RBMS3: variants seen among roughly 807,000 people sequenced by gnomAD.
RBMS3 encodes RNA binding motif single stranded interacting protein 3.
Under a neutral mutation model 66.8 loss-of-function variants are expected in RBMS3, and 27 were observed. That is an observed-to-expected ratio of 0.40 (90% CI 0.30 to 0.56). The LOEUF is 0.56. Among genes scored for constraint, RBMS3 ranks in the 20% least tolerant of loss-of-function variants. RBMS3 has a pLI of 0.40. For synonymous variants in RBMS3, 188 were observed against 183.0 expected, an observed-to-expected ratio of 1.03 and a Z score of -0.22; for missense variants, 513 against 549.5, an observed-to-expected ratio of 0.93 and a Z score of 0.66.
rs142139077 is a variant in RBMS3 at position 29,521,104 on chromosome 3, C to G, written c.307+32605C>G. Among the ~76,000 whole-genome samples, 405 of 152,172 alleles carry G rather than the reference C, an allele frequency of 2.7e-3. 4 individuals are homozygous for G. The highest frequency in any genetic ancestry group is 9.4e-3 in the African/African-American group (392 of 41,516). On this transcript the variant is annotated intron_variant, in intron 3 of 14. Transcript: ENST00000383767. ...TGCCTTATTATTTTTTTCCATAATA[C>G]TGACATCCTATTTTATCCCACCCCA...
intron 6 of RBMS3, among the ~76,000 whole-genome samples, chr3:29,855,543 T>A (rs1239180429): frequency 6.6e-6 from 1 of 152,200 alleles, no homozygotes; most frequent in Non-Finnish European, 1.5e-5. Context: ...TATGTACAAC[T>A]TGTGACTAGC....
At chr3:29,613,301 T>G (rs1241147360) in intron 4 of RBMS3, among the ~76,000 whole-genome samples, 1 of 151,574 alleles carries the variant, frequency 6.6e-6, no homozygotes, top group Non-Finnish European at 1.5e-5. Flanking sequence ...ACATTCTCCC[T>G]AACCATGTGC....
intron 12 of RBMS3, among the ~76,000 whole-genome samples, chr3:29,971,401 G>C (rs1416258559): frequency 5.3e-5 from 8 of 151,890 alleles, no homozygotes; most frequent in Non-Finnish European, 1.2e-4. Context: ...TTCATTTTAA[G>C]TTGTTTCATA....
At chr3:29,530,426 C>A (rs983706596) in intron 3 of RBMS3, among the ~76,000 whole-genome samples, 6 of 151,974 alleles carry the variant, frequency 3.9e-5, no homozygotes, top group African/African-American at 1.5e-4. Context: ...TAAAAAAATA[C>A]AATTTGTAAA....
Position 29,882,537 on chromosome 3 carries a change from G to T in RBMS3, c.745-1625G>T, listed in dbSNP as rs1226792987. On this transcript the variant is annotated intron_variant, in intron 7 of 14. Transcript: ENST00000383767. ...GTTTGCAAACTCCGTTTCAATTTAT[G>T]TATGCTCCCTTTATACCAATTCCAT... is the stretch of plus-strand genomic sequence containing the variant. Among the ~76,000 whole-genome samples the T allele has an allele frequency of 3.3e-5, 5 of 151,982 alleles. No homozygotes were observed. In the East Asian group the frequency reaches 9.7e-4, roughly 29 times the overall value.
chr3:29,709,301 G>T (rs1322428024), intron 4 of RBMS3, among the ~76,000 whole-genome samples: 3 of 152,098 alleles, frequency 2.0e-5, no homozygotes, highest in Non-Finnish European at 2.9e-5. Flanking sequence ...TTTATGTTTG[G>T]TAGCTCTTGT....
At chr3:29,314,004 T>A (rs1326225053) in intron 1 of RBMS3, among the ~76,000 whole-genome samples, 2 of 151,736 alleles carry the variant, frequency 1.3e-5, no homozygotes, top group Non-Finnish European at 2.9e-5. Flanking sequence ...TTCTGGTTGC[T>A]TGGGCATTGG....
At chr3:29,657,755 A>G (rs2050377582) in intron 4 of RBMS3, among the ~76,000 whole-genome samples, 1 of 152,176 alleles carries the variant, frequency 6.6e-6, no homozygotes, top group Non-Finnish European at 1.5e-5. Context: ...AGCAATACAA[A>G]TGTTCTTGCT....
At chr3:29,924,392 C>CT (rs1171960045) in intron 10 of RBMS3, among the ~76,000 whole-genome samples, 3 of 151,362 alleles carry the variant, frequency 2.0e-5, no homozygotes, top group African/African-American at 4.9e-5. Flanking sequence ...TTTCTTTTTT[C>CT]TTTTTTTTCA....
At chr3:29,644,305 A>G (rs555689660) in intron 4 of RBMS3, among the ~76,000 whole-genome samples, 1 of 152,338 alleles carries the variant, frequency 6.6e-6, no homozygotes, top group East Asian at 1.9e-4. Flanking sequence ...ACGGGTTTCA[A>G]TCACAATTTG....
intron 10 of RBMS3, among the ~76,000 whole-genome samples, chr3:29,906,172 C>G (rs1175668507): frequency 6.6e-6 from 1 of 151,992 alleles, no homozygotes; most frequent in Non-Finnish European, 1.5e-5. Context: ...TTAATGTTTT[C>G]CTGGCATCTT....
rs144895706 is a variant in RBMS3 at position 29,421,754 on chromosome 3, A to G, written c.76-12989A>G. ...AGTAGCTCCTCTCAGTAGCTAGAAT[A>G]ATACCAACTAAACCTAATGTCCCAT... is the stretch of plus-strand genomic sequence containing the variant. On this transcript the variant is annotated intron_variant, in intron 1 of 14. Coordinates refer to ENST00000383767, the MANE Select transcript of RBMS3 (RefSeq NM_001003793.3). Among the ~76,000 whole-genome samples the G allele has an allele frequency of 3.3e-4, 51 of 152,296 alleles. 3 individuals are homozygous for G. The East Asian group carries it at 8.9e-3, about 27-fold the overall frequency.
Position 29,649,619 on chromosome 3 carries a change from G to A in RBMS3, c.399+62414G>A, listed in dbSNP as rs192295340. On this transcript the variant is annotated intron_variant, in intron 4 of 14. Coordinates refer to ENST00000383767, the MANE Select transcript of RBMS3 (RefSeq NM_001003793.3). The stretch of plus-strand genomic sequence containing the variant: ...GGAAGCATAATGAACCTTCTAGGCA[G>A]CTGCAAAGTACCTCTGAGTCTCAGA... 1.2e-4 allele frequency among the ~76,000 whole-genome samples: 19 copies of A among 152,218 alleles called. No homozygotes were observed. The East Asian group carries it at 3.7e-3, about 29-fold the overall frequency.
intron 4 of RBMS3, among the ~76,000 whole-genome samples, chr3:29,605,412 C>T (rs990496915): frequency 6.6e-6 from 1 of 151,706 alleles, no homozygotes; most frequent in Admixed American, 6.6e-5. Context: ...TTTGAGTTTT[C>T]CAGAATTTTA....
chr3:29,452,718 C>A (rs188032767), intron 2 of RBMS3, among the ~76,000 whole-genome samples: 2 of 151,864 alleles, frequency 1.3e-5, no homozygotes, highest in Non-Finnish European at 2.9e-5. Context: ...ATGTAGGGGA[C>A]CTAGGTTATA....
intron 1 of RBMS3, among the ~76,000 whole-genome samples, chr3:29,318,223 A>G (rs1246429069): frequency 6.6e-6 from 1 of 151,858 alleles, no homozygotes; most frequent in Non-Finnish European, 1.5e-5. Context: ...TATTTTATGC[A>G]TCTTAAAATA....
intron 4 of RBMS3, among the ~76,000 whole-genome samples, chr3:29,675,626 T>A (rs966512711): frequency 6.6e-6 from 1 of 152,162 alleles, no homozygotes; most frequent in South Asian, 2.1e-4. Context: ...AGGATATGAA[T>A]AGACACTTCT....
chr3:29,754,791 A>G (rs2055332980), intron 5 of RBMS3, among the ~76,000 whole-genome samples: 1 of 152,244 alleles, frequency 6.6e-6, no homozygotes, highest in Non-Finnish European at 1.5e-5. Flanking sequence ...CTTTTCGTTA[A>G]GATAACATAA....
At chr3:29,460,960 A>G (rs181986429) in intron 2 of RBMS3, among the ~76,000 whole-genome samples, 3 of 152,308 alleles carry the variant, frequency 2.0e-5, no homozygotes, top group Admixed American at 6.5e-5. Flanking sequence ...CGGACAATGT[A>G]TACTGAATGG....
Sources: allele counts gnomAD v4.1 joint callset (sites outside exome capture counted in the v4.1 genomes callset), GRCh38; gene constraint gnomAD v4.1.1; transcripts MANE v1.5; gene names NCBI Gene and HGNC (gene_info 2026-07-23, HGNC 2026-07-21).